The following LIPC variants were observed in gnomAD, a reference collection of about 807,000 sequenced individuals.
LIPC encodes hepatic triacylglycerol lipase.
In LIPC, 44 loss-of-function variants were observed where a neutral mutation model predicts 50.7. The ratio of observed to expected loss-of-function variants is 0.87; its 90% CI spans 0.68 to 1.11. The LOEUF is 1.11. LIPC is among the 50% of genes most tolerant of loss of function. The pLI, the probability that LIPC is intolerant of heterozygous loss-of-function variation, is 0.00. For missense variants in LIPC, 697 were observed against 648.2 expected (o/e 1.08, Z -0.82); for synonymous variants, 271 against 256.4 (o/e 1.06, Z -0.54).
intron 1 of LIPC, among the ~76,000 whole-genome samples, chr15:58,493,005 C>T (rs1410072370): frequency 6.6e-6 from 1 of 152,062 alleles, no homozygotes; most frequent in Non-Finnish European, 1.5e-5. Context: ...TAAATCCTGG[C>T]GCCAGGTGCT....
chr15:58,481,910 T>C (rs12591216), intron 1 of LIPC, among the ~76,000 whole-genome samples: 17,307 of 152,246 alleles, frequency 0.11, 1,217 homozygotes, highest in Non-Finnish European at 0.17. Flanking sequence ...ATCCAGCTTA[T>C]GTAAAAAGGG....
intron 1 of LIPC, chr15:58,436,765 C>A (rs771195649): frequency 7.0e-5 from 32 of 456,222 alleles, no homozygotes; most frequent in South Asian, 4.0e-4. Flanking sequence ...GGGAAGAAGG[C>A]TTCTTGGAGG....
At chr15:58,475,259 C>T (rs569078205) in intron 1 of LIPC, among the ~76,000 whole-genome samples, 15 of 152,196 alleles carry the variant, frequency 9.9e-5, no homozygotes, top group Non-Finnish European at 2.2e-4. Flanking sequence ...CTGCCCTCTC[C>T]CCTCCATCTT....
At chr15:58,567,059 G>A (rs1356343919) in intron 8 of LIPC, among the ~76,000 whole-genome samples, 14 of 151,592 alleles carry the variant, frequency 9.2e-5, no homozygotes, top group African/African-American at 2.4e-4. Flanking sequence ...AAAATTAGCC[G>A]GGCGTGGTGG....
rs748281989 is a variant in LIPC at position 58,538,537 on chromosome 15, C to A, written c.273+20C>A. 2 of 1,610,280 alleles carry A rather than the reference C, an allele frequency of 1.2e-6. No homozygotes were observed. Among genetic ancestry groups the A allele is most frequent in the South Asian group, 2.2e-5 (2 of 90,950 alleles). On this transcript the variant is annotated intron_variant, in intron 2 of 8. Transcript: ENST00000299022. ...TGGTCGGTAGGAAATGCTGACATGCCGTTTTTCTCTCCGATTTCACATTTT... is the reference window on the plus strand; with the variant it reads ...TGGTCGGTAGGAAATGCTGACATGCAGTTTTTCTCTCCGATTTCACATTTT...
chr15:58,519,973 A>G (rs1240040026), intron 1 of LIPC, among the ~76,000 whole-genome samples: 1 of 152,182 alleles, frequency 6.6e-6, no homozygotes, highest in African/African-American at 2.4e-5. Flanking sequence ...TGGCCGAGTC[A>G]GAAGGAAATA....
chr15:58,432,778 A>G (rs1327091954), intron 1 of LIPC, among the ~76,000 whole-genome samples: 1 of 152,210 alleles, frequency 6.6e-6, no homozygotes, highest in African/African-American at 2.4e-5. Flanking sequence ...CAGTGGACCA[A>G]TAAATGACGG....
In LIPC at chr15:58,563,480, G is replaced by A. The variant is rs747071695; in HGVS notation, c.1170-25G>A. The A allele has an allele frequency of 3.2e-5, 50 of 1,578,140 alleles. 4 individuals are homozygous for A. The South Asian group carries it at 5.1e-4, about 16-fold the overall frequency. ...TTGCTGTTACGACTAAACTGATTGT[G>A]TCTGATTTTCTTTGTGTATTCAAGG... On this transcript the variant is annotated intron_variant, in intron 7 of 8. Coordinates refer to ENST00000299022, the MANE Select transcript of LIPC (RefSeq NM_000236.3).
At chr15:58,547,701 G>A (rs1191534784) in intron 5 of LIPC, among the ~76,000 whole-genome samples, 1 of 151,750 alleles carries the variant, frequency 6.6e-6, no homozygotes, top group Admixed American at 6.6e-5. Flanking sequence ...GGTGAGGCCT[G>A]TCCAGATCTG....
chr15:58,562,599 T>G (rs1452995857), intron 7 of LIPC, among the ~76,000 whole-genome samples: 3 of 152,126 alleles, frequency 2.0e-5, no homozygotes, highest in Non-Finnish European at 4.4e-5. Flanking sequence ...GATCCTGAGC[T>G]TCCCGAAAAT....
chr15:58,508,707 G>C (rs1262962091), intron 1 of LIPC, among the ~76,000 whole-genome samples: 3 of 132,212 alleles, frequency 2.3e-5, no homozygotes, highest in African/African-American at 9.1e-5. Context: ...TCCCCAACAA[G>C]GTTCTCATTA....
chr15:58,509,607 T>C (rs1892271975), intron 1 of LIPC, among the ~76,000 whole-genome samples: 1 of 152,196 alleles, frequency 6.6e-6, no homozygotes, highest in African/African-American at 2.4e-5. Context: ...CTTTATTCTT[T>C]TTTTTAACAT....
At chr15:58,470,623 G>A (rs1329964072) in intron 1 of LIPC, among the ~76,000 whole-genome samples, 10 of 136,078 alleles carry the variant, frequency 7.3e-5, no homozygotes, top group African/African-American at 1.6e-4. Flanking sequence ...TGGTAGAGAC[G>A]AAATCTCGCT....
intron 1 of LIPC, among the ~76,000 whole-genome samples, chr15:58,441,315 G>A (rs984860737): frequency 1.3e-5 from 2 of 152,210 alleles, no homozygotes; most frequent in Non-Finnish European, 2.9e-5. Context: ...CATAACAGGA[G>A]CTTAATATGA....
At chr15:58,486,138 G>A (rs571168760) in intron 1 of LIPC, among the ~76,000 whole-genome samples, 3 of 152,132 alleles carry the variant, frequency 2.0e-5, no homozygotes, top group African/African-American at 4.8e-5. Context: ...TGACATGGAC[G>A]GCTCTATTCT....
chr15:58,548,710 G>C, intron 6 of LIPC, 138 bp downstream of exon 6: 1 of 1,216,802 alleles, frequency 8.2e-7, no homozygotes, highest in Admixed American at 2.0e-5. Flanking sequence ...GCAGGCTCCA[G>C]ACAGCAACGT....
chr15:58,494,434 G>A (rs1891696489), intron 1 of LIPC, among the ~76,000 whole-genome samples: 1 of 152,216 alleles, frequency 6.6e-6, no homozygotes, highest in Admixed American at 6.5e-5. Context: ...TCCTTGGGCA[G>A]GTCATCCAAC....
chr15:58,468,813 ATTTT>A (rs1163596616), intron 1 of LIPC, among the ~76,000 whole-genome samples: 1 of 152,102 alleles, frequency 6.6e-6, no homozygotes, highest in Non-Finnish European at 1.5e-5. Flanking sequence ...GGCTGGTAAT[ATTTT>A]TAATTCATTA....
chr15:58,540,362 G>A (rs1377796941), intron 2 of LIPC, among the ~76,000 whole-genome samples: 2 of 151,924 alleles, frequency 1.3e-5, no homozygotes, highest in African/African-American at 2.4e-5. Flanking sequence ...TGCTCTAAGC[G>A]CTTTAGATCT....
Sources: allele counts gnomAD v4.1 joint callset (sites outside exome capture counted in the v4.1 genomes callset), GRCh38; gene constraint gnomAD v4.1.1; transcripts MANE v1.5; gene names NCBI Gene and HGNC (gene_info 2026-07-23, HGNC 2026-07-21).